DEPDC1B: variants seen among roughly 807,000 people sequenced by gnomAD.
DEPDC1B encodes DEP domain containing 1B.
In DEPDC1B, 51 loss-of-function variants were observed where a neutral mutation model predicts 66.5. The ratio of observed to expected loss-of-function variants is 0.77; its 90% confidence interval spans 0.61 to 0.97. DEPDC1B has a LOEUF of 0.97. Among genes scored for constraint, DEPDC1B ranks in the 50% least tolerant of loss-of-function variants. The probability of loss-of-function intolerance (pLI) is 0.00; values close to 1 mark genes in which losing one functional copy is unlikely to be tolerated. For synonymous variants in DEPDC1B, 226 were observed against 223.6 expected (o/e 1.01, Z -0.10); for missense variants, 552 against 637.1 (o/e 0.87, Z 1.44).
At chr5:60,658,423 A>G (rs902870584) in intron 2 of DEPDC1B, among the ~76,000 whole-genome samples, 8 of 152,120 alleles carry the variant, frequency 5.3e-5, no homozygotes, top group African/African-American at 1.7e-4. Context: ...ATTTGTGTAG[A>G]TTATGTCAAA....
chr5:60,699,453 A>AAAAAAAC lies in DEPDC1B; in HGVS notation c.48+592_48+593insGTTTTTT, dbSNP rs1405987990. Among the ~76,000 whole-genome samples the AAAAAAAC allele has an allele frequency of 2.3e-4, 35 of 151,020 alleles. 1 individual carries two copies. The highest frequency in any genetic ancestry group is 8.3e-4 in the African/African-American group (34 of 40,926). Reference sequence around the variant, plus strand: ...AAAGCTTTTCTCCCAGAAAAAAAAAAAAAAAAAAACAGGAACTCAGAGTCG... The same window carrying AAAAAAAC: ...AAAGCTTTTCTCCCAGAAAAAAAAAAAAAAAACAAAAAAAAACAGGAACTCAGAGTCG... On this transcript the variant is annotated intron_variant, in intron 1 of 10. Coordinates refer to ENST00000265036, the MANE Select transcript of DEPDC1B (RefSeq NM_018369.3).
intron 1 of DEPDC1B, among the ~76,000 whole-genome samples, chr5:60,693,079 T>G (rs1418409713): frequency 6.6e-6 from 1 of 152,152 alleles, no homozygotes; most frequent in African/African-American, 2.4e-5. Context: ...ATGCTCACTT[T>G]ATGAAAATTT....
chr5:60,600,016 T>A (rs965981717), intron 9 of DEPDC1B, among the ~76,000 whole-genome samples: 6 of 152,124 alleles, frequency 3.9e-5, no homozygotes, highest in African/African-American at 7.2e-5. Context: ...TTTAACAAGA[T>A]CTGAAATTCA....
At chr5:60,666,813 A>ACAT (rs1753851744) in intron 2 of DEPDC1B, among the ~76,000 whole-genome samples, 1 of 152,192 alleles carries the variant, frequency 6.6e-6, no homozygotes, top group African/African-American at 2.4e-5. Context: ...CCACATGGAG[A>ACAT]TAACCTAGAG....
chr5:60,636,541 G>A (rs990284421), intron 7 of DEPDC1B, among the ~76,000 whole-genome samples: 2 of 152,140 alleles, frequency 1.3e-5, no homozygotes, highest in African/African-American at 4.8e-5. Context: ...TAAGTAAAAG[G>A]TTTAAAGGAT....
At chr5:60,612,938 A>G (rs890186854) in intron 7 of DEPDC1B, among the ~76,000 whole-genome samples, 8 of 152,338 alleles carry the variant, frequency 5.3e-5, no homozygotes, top group African/African-American at 1.9e-4. Context: ...AAAGTGTGAC[A>G]GCTGGGAGAT....
At chr5:60,652,929 T>C (rs1245566879) in intron 2 of DEPDC1B, among the ~76,000 whole-genome samples, 3 of 149,420 alleles carry the variant, frequency 2.0e-5, no homozygotes, top group Non-Finnish European at 4.4e-5. Context: ...GCAAATGTCA[T>C]TATTTTGTTC....
intron 8 of DEPDC1B, among the ~76,000 whole-genome samples, chr5:60,604,490 G>A (rs1752271477): frequency 6.6e-6 from 1 of 151,796 alleles, no homozygotes; most frequent in African/African-American, 2.4e-5. Context: ...CAAAGTGCTG[G>A]GATTACAGGA....
At chr5:60,605,626 A>G in intron 8 of DEPDC1B, 64 bp downstream of exon 8, 1 of 1,551,260 alleles carries the variant, frequency 6.4e-7, no homozygotes, top group Non-Finnish European at 8.7e-7. Flanking sequence ...CACCCAAACT[A>G]ATACACCTTA....
intron 1 of DEPDC1B, among the ~76,000 whole-genome samples, chr5:60,689,830 C>G (rs899600176): frequency 6.6e-6 from 1 of 152,074 alleles, no homozygotes; most frequent in Non-Finnish European, 1.5e-5. Flanking sequence ...TCACTTGAAC[C>G]AAGGAGTTCG....
chr5:60,681,869 T>A (rs994520926), intron 2 of DEPDC1B, among the ~76,000 whole-genome samples: 3 of 151,810 alleles, frequency 2.0e-5, no homozygotes, highest in African/African-American at 7.3e-5. Flanking sequence ...TCTCACCTCC[T>A]GGGTAGCTGG....
chr5:60,649,174 G>A (rs1384104476), intron 2 of DEPDC1B, among the ~76,000 whole-genome samples: 1 of 152,000 alleles, frequency 6.6e-6, no homozygotes, highest in Non-Finnish European at 1.5e-5. Context: ...GTGTCTTTTG[G>A]AAAGTATAAG....
At chr5:60,661,710 A>G (rs558011424) in intron 2 of DEPDC1B, among the ~76,000 whole-genome samples, 1 of 152,328 alleles carries the variant, frequency 6.6e-6, no homozygotes, top group South Asian at 2.1e-4. Context: ...GTGCCGCCAT[A>G]ACTGCAGCCC....
At chr5:60,638,263 CAT>C (rs1392241549) in intron 7 of DEPDC1B, among the ~76,000 whole-genome samples, 5 of 152,176 alleles carry the variant, frequency 3.3e-5, no homozygotes, top group African/African-American at 9.6e-5. Context: ...GGAATAGCTA[CAT>C]GTTTTAATTA....
At chr5:60,674,574 T>C (rs1004350105) in intron 2 of DEPDC1B, among the ~76,000 whole-genome samples, 1 of 152,176 alleles carries the variant, frequency 6.6e-6, no homozygotes, top group Non-Finnish European at 1.5e-5. Flanking sequence ...CCATCCCCCA[T>C]ATGTGTGATT....
chr5:60,602,748 T>G (rs1266684558), intron 9 of DEPDC1B, among the ~76,000 whole-genome samples: 1 of 152,180 alleles, frequency 6.6e-6, no homozygotes, highest in East Asian at 1.9e-4. Context: ...TCTTCACAAC[T>G]TTATAAAGAA....
intron 2 of DEPDC1B, 102 bp from the exon 3 acceptor site, chr5:60,647,635 T>G: frequency 7.8e-7 from 1 of 1,289,756 alleles, no homozygotes; most frequent in Non-Finnish European, 1.1e-6. Context: ...TATACAATAA[T>G]TTGTACAATA....
chr5:60,632,991 A>T lies in DEPDC1B; in HGVS notation c.898+5759T>A, dbSNP rs189907973. 1.9e-3 allele frequency among the ~76,000 whole-genome samples: 295 copies of T among 152,320 alleles called. 1 individual carries two copies. The highest frequency in any genetic ancestry group is 3.5e-3 in the Non-Finnish European group (235 of 68,032). On this transcript the variant is annotated intron_variant, in intron 7 of 10. Transcript: ENST00000265036. The stretch of plus-strand genomic sequence containing the variant: ...TAAAACCTGCATTATGCCCTCACCT[A>T]AGTACTACCACAATCATTTCCTTGA...
At chr5:60,599,321 T>C in intron 9 of DEPDC1B, 61 bp from the exon 10 acceptor site, 1 of 1,343,548 alleles carries the variant, frequency 7.4e-7, no homozygotes, top group East Asian at 2.6e-5. Context: ...TTATAAGAAT[T>C]AGTTTAGATC....
Sources: gnomAD v4.1 joint callset for allele counts (sites outside exome capture counted in the v4.1 genomes callset) on GRCh38, gnomAD v4.1.1 for gene constraint, MANE v1.5 for transcripts, NCBI Gene and HGNC (gene_info 2026-07-23, HGNC 2026-07-21) for gene names.